The following PLXNA4 variants were observed in gnomAD, a reference collection of about 807,000 sequenced individuals.
The protein encoded by PLXNA4 is plexin-A4.
PLXNA4 carries 44 observed loss-of-function variants against 191.8 expected under a neutral mutation model. That is an observed-to-expected ratio of 0.23 (90% CI 0.18 to 0.29). PLXNA4 has a LOEUF of 0.29. PLXNA4 is among the 10% of genes least tolerant of loss of function. PLXNA4 has a pLI of 1.00. For missense variants in PLXNA4, 1,800 were observed against 2,488.8 expected, an observed-to-expected ratio of 0.72 and a Z score of 5.89; for synonymous variants, 1,082 against 1,009.5, an observed-to-expected ratio of 1.07 and a Z score of -1.36.
intron 3 of PLXNA4, among the ~76,000 whole-genome samples, chr7:132,338,706 A>G (rs1465544026): frequency 6.6e-6 from 1 of 152,208 alleles, no homozygotes; most frequent in East Asian, 1.9e-4. Flanking sequence ...TGACCACATT[A>G]TAAATATCAG....
At chr7:132,352,585 C>T (rs1395480513) in intron 3 of PLXNA4, among the ~76,000 whole-genome samples, 3 of 152,130 alleles carry the variant, frequency 2.0e-5, no homozygotes, top group Non-Finnish European at 2.9e-5. Flanking sequence ...CTCAGGGGCA[C>T]GTGGTAGAAC....
At chr7:132,254,982 C>A (rs560263733) in intron 4 of PLXNA4, among the ~76,000 whole-genome samples, 1 of 152,122 alleles carries the variant, frequency 6.6e-6, no homozygotes, top group East Asian at 1.9e-4. Context: ...TAATTTGGGC[C>A]CATTCTCAGG....
intron 2 of PLXNA4, among the ~76,000 whole-genome samples, chr7:132,586,858 A>C (rs1031461075): frequency 6.6e-6 from 1 of 152,168 alleles, no homozygotes. Context: ...CCCAGGCAGG[A>C]GGTCAAGGCT....
intron 4 of PLXNA4, among the ~76,000 whole-genome samples, chr7:132,254,035 T>A (rs1366098025): frequency 2.0e-5 from 3 of 152,206 alleles, no homozygotes; most frequent in Admixed American, 2.0e-4. Context: ...ATTGTCTTCA[T>A]CTGTCTAGCT....
chr7:132,328,352 C>A (rs990452595), intron 3 of PLXNA4, among the ~76,000 whole-genome samples: 1 of 152,180 alleles, frequency 6.6e-6, no homozygotes, highest in Non-Finnish European at 1.5e-5. Flanking sequence ...CCCTCCCCCA[C>A]CCCATGGTCT....
chr7:132,460,208 CTT>C (rs1796455972), intron 3 of PLXNA4, among the ~76,000 whole-genome samples: 1 of 151,768 alleles, frequency 6.6e-6, no homozygotes, highest in Admixed American at 6.6e-5. Flanking sequence ...TTTTTAAAAA[CTT>C]AGGCAGGCAC....
At chr7:132,267,498 C>A (rs1348590651) in intron 4 of PLXNA4, among the ~76,000 whole-genome samples, 3 of 152,168 alleles carry the variant, frequency 2.0e-5, no homozygotes, top group Non-Finnish European at 4.4e-5. Flanking sequence ...GACACACATG[C>A]CCCAAATAGT....
chr7:132,442,477 T>A (rs1039089527), intron 3 of PLXNA4, among the ~76,000 whole-genome samples: 2 of 152,202 alleles, frequency 1.3e-5, no homozygotes, highest in Admixed American at 6.5e-5. Context: ...TGCCTCAAGA[T>A]TCTTACTTTT....
intron 21 of PLXNA4, among the ~76,000 whole-genome samples, chr7:132,170,307 T>C (rs1201519208): frequency 6.6e-6 from 1 of 152,132 alleles, no homozygotes; most frequent in African/African-American, 2.4e-5. Context: ...CCTGTGAGGA[T>C]AAGGAGCTTC....
intron 5 of PLXNA4, among the ~76,000 whole-genome samples, chr7:132,236,827 C>T (rs779188696): frequency 3.4e-4 from 52 of 152,166 alleles, no homozygotes; most frequent in Non-Finnish European, 4.6e-4. Flanking sequence ...CTCTGGCTGC[C>T]GTCAACCTCC....
At chr7:132,458,911 G>GA (rs1039198959) in intron 3 of PLXNA4, among the ~76,000 whole-genome samples, 4 of 152,134 alleles carry the variant, frequency 2.6e-5, no homozygotes, top group Non-Finnish European at 1.5e-5. Flanking sequence ...TGCCTAACGG[G>GA]ACAAGCACTG....
rs191555277 is a variant in PLXNA4 at position 132,596,765 on chromosome 7, C to A, written c.-87+49163G>T. ...ATACCATTAAGAAGGAAGGCTGTGA[C>A]AACTTTCATTACTTTTTGATGATCA... On this transcript the variant is annotated intron_variant, in intron 2 of 4. Coordinates refer to the PLXNA4 transcript ENST00000378539. Among the ~76,000 whole-genome samples, 631 of 150,294 alleles carry A rather than the reference C, an allele frequency of 4.2e-3. 2 individuals carry two copies. Among genetic ancestry groups the A allele is most frequent in the Admixed American group, 7.0e-3 (106 of 15,040 alleles).
chr7:132,622,777 T>A (rs1803294138), intron 2 of PLXNA4, among the ~76,000 whole-genome samples: 1 of 152,188 alleles, frequency 6.6e-6, no homozygotes, highest in South Asian at 2.1e-4. Context: ...GGTCAACGAC[T>A]ATTTAAAATG....
At chr7:132,237,443 T>C (rs891022093) in intron 5 of PLXNA4, among the ~76,000 whole-genome samples, 8 of 152,120 alleles carry the variant, frequency 5.3e-5, no homozygotes, top group South Asian at 2.1e-4. Flanking sequence ...ACCCCCACCT[T>C]CTTATAGTTG....
At chr7:132,564,237 C>CCTCCTT (rs1801600950) in intron 1 of PLXNA4, among the ~76,000 whole-genome samples, 1 of 136,508 alleles carries the variant, frequency 7.3e-6, no homozygotes, top group Middle Eastern at 3.7e-3. Context: ...TCCTCCTCTT[C>CCTCCTT]CTCCTCCTCC....
intron 3 of PLXNA4, among the ~76,000 whole-genome samples, chr7:132,306,780 T>C (rs544707845): frequency 4.6e-5 from 7 of 152,172 alleles, no homozygotes; most frequent in African/African-American, 1.7e-4. Flanking sequence ...ACATGTGCAC[T>C]CTCTGGCTCT....
Position 132,140,688 on chromosome 7 carries a change from G to A in PLXNA4, c.5349C>T (p.Ser1783=), listed in dbSNP as rs896134622. 6.2e-7 allele frequency: 1 copy of A among 1,614,136 alleles called. No individual in the cohort carries two copies. The highest frequency in any genetic ancestry group is 8.5e-7 in the Non-Finnish European group (1 of 1,180,030). ...CCTTGCCCAGCCGGTGCTCTGACGT[G>A]GAGCAAGAGTCCATGAAGGTCTGAG... The part of the protein sequence containing the change: ...VVAQTFMDSC[S]TSEHRLGKDS... The change falls in exon 30 of 32, where the codon TCC becomes TCT. Residue 1783 remains serine, a synonymous_variant. Transcript: ENST00000321063.
chr7:132,492,888 A>G (rs949223315), intron 2 of PLXNA4, among the ~76,000 whole-genome samples: 1 of 152,170 alleles, frequency 6.6e-6, no homozygotes, highest in Non-Finnish European at 1.5e-5. Context: ...TCCTGCCTGG[A>G]ACAGGGGTAG....
chr7:132,151,635 G>GAGAGGAAGA (rs769042103), intron 25 of PLXNA4, among the ~76,000 whole-genome samples: 3 of 151,020 alleles, frequency 2.0e-5, no homozygotes, highest in African/African-American at 4.9e-5. Context: ...GGAGAGGAAG[G>GAGAGGAAGA]AGAGGAAGAA....
Sources: gnomAD v4.1 joint callset for allele counts (sites outside exome capture counted in the v4.1 genomes callset) on GRCh38, gnomAD v4.1.1 for gene constraint, MANE v1.5 for transcripts, NCBI Gene and HGNC (gene_info 2026-07-23, HGNC 2026-07-21) for gene names.